The following CSMD1 variants were observed in gnomAD, a reference collection of about 807,000 sequenced individuals.
CSMD1 encodes CUB and sushi domain-containing protein 1.
In CSMD1, 213 loss-of-function variants were observed where a neutral mutation model predicts 417.5. The ratio of observed to expected loss-of-function variants is 0.51; its 90% confidence interval spans 0.46 to 0.57. The LOEUF (loss-of-function observed/expected upper bound fraction) is 0.57, where lower values mean the gene tolerates loss of function less well. Among genes scored for constraint, CSMD1 ranks in the 20% least tolerant of loss-of-function variants. The pLI is 0.00. For synonymous variants in CSMD1, 2,862 were observed against 1,736.8 expected (o/e 1.65, Z -16.11); for missense variants, 6,923 against 4,529.7 (o/e 1.53, Z -15.17).
intron 3 of CSMD1, among the ~76,000 whole-genome samples, chr8:4,100,920 G>A (rs1445984830): frequency 3.3e-5 from 5 of 152,202 alleles, no homozygotes; most frequent in Non-Finnish European, 7.3e-5. Context: ...TGGTGTATAT[G>A]AAGGTGGAAA....
chr8:4,200,065 C>A (rs773055173), intron 3 of CSMD1, among the ~76,000 whole-genome samples: 1 of 152,152 alleles, frequency 6.6e-6, no homozygotes, highest in Non-Finnish European at 1.5e-5. Flanking sequence ...GCTCTATCAA[C>A]AAATCATCCT....
chr8:3,175,497 C>T (rs1486245777), intron 37 of CSMD1, among the ~76,000 whole-genome samples: 3 of 133,884 alleles, frequency 2.2e-5, no homozygotes, highest in Admixed American at 1.5e-4. Context: ...GCCTGCCTGC[C>T]TGCCTGCCTG....
intron 3 of CSMD1, among the ~76,000 whole-genome samples, chr8:4,231,127 A>G (rs985919380): frequency 2.2e-4 from 34 of 152,240 alleles, no homozygotes; most frequent in African/African-American, 8.2e-4. Flanking sequence ...GAACTACAGA[A>G]GAGTATTACG....
intron 3 of CSMD1, among the ~76,000 whole-genome samples, chr8:4,259,057 G>A (rs904425621): frequency 6.6e-6 from 1 of 152,112 alleles, no homozygotes; most frequent in Non-Finnish European, 1.5e-5. Context: ...CAAAGACCCT[G>A]CTTTGAGTTT....
intron 3 of CSMD1, among the ~76,000 whole-genome samples, chr8:4,082,259 T>A (rs752838452): frequency 3.3e-5 from 5 of 152,146 alleles, no homozygotes; most frequent in Non-Finnish European, 7.3e-5. Context: ...AATTACAACC[T>A]ATTAAAACTA....
chr8:4,728,792 TA>T (rs1809643692), intron 1 of CSMD1, among the ~76,000 whole-genome samples: 1 of 151,968 alleles, frequency 6.6e-6, no homozygotes. Context: ...TGCTGCCACC[TA>T]AAAAACTCAA....
chr8:3,650,639 A>C (rs978707657), intron 7 of CSMD1, among the ~76,000 whole-genome samples: 1 of 152,200 alleles, frequency 6.6e-6, no homozygotes, highest in Non-Finnish European at 1.5e-5. Flanking sequence ...GTGGATATTT[A>C]AGAGAACACT....
At chr8:4,382,607 C>A (rs1803175119) in intron 3 of CSMD1, among the ~76,000 whole-genome samples, 1 of 152,210 alleles carries the variant, frequency 6.6e-6, no homozygotes, top group South Asian at 2.1e-4. Flanking sequence ...TCCATTAAAT[C>A]TTAAAGGTCA....
intron 1 of CSMD1, among the ~76,000 whole-genome samples, chr8:4,674,844 G>A (rs1422843253): frequency 6.6e-6 from 1 of 152,082 alleles, no homozygotes; most frequent in Non-Finnish European, 1.5e-5. Context: ...CTGGAGGTGG[G>A]GCATTTAGGA....
intron 5 of CSMD1, among the ~76,000 whole-genome samples, chr8:3,884,945 A>G (rs1322813274): frequency 1.4e-5 from 2 of 147,116 alleles, no homozygotes; most frequent in Non-Finnish European, 3.0e-5. Flanking sequence ...ATATATATAT[A>G]CACACACACA....
chr8:3,130,494 A>C (rs1328055632), intron 41 of CSMD1, among the ~76,000 whole-genome samples: 1 of 151,446 alleles, frequency 6.6e-6, no homozygotes, highest in Non-Finnish European at 1.5e-5. Flanking sequence ...GCAACTTCTC[A>C]TTTGCTTGAG....
At chr8:3,174,517 T>C (rs903993991) in intron 37 of CSMD1, among the ~76,000 whole-genome samples, 2 of 152,082 alleles carry the variant, frequency 1.3e-5, no homozygotes, top group African/African-American at 4.8e-5. Context: ...AAACAAACTA[T>C]AAAAATTGAG....
At chr8:3,852,373 A>G (rs956323372) in intron 5 of CSMD1, among the ~76,000 whole-genome samples, 1 of 151,986 alleles carries the variant, frequency 6.6e-6, no homozygotes, top group Admixed American at 6.6e-5. Flanking sequence ...CACCCTCTCT[A>G]CTCCCAGCCA....
At position 4,265,376 on chromosome 8, in the gene CSMD1, T is replaced by C. The variant is rs1469883018; in HGVS notation, c.415+154577A>G. On this transcript the variant is annotated intron_variant, in intron 3 of 69. Coordinates refer to ENST00000635120, the MANE Select transcript of CSMD1 (RefSeq NM_033225.6). Reference sequence around the variant, plus strand: ...TCTCTGCACAGTATCATTTGACATGTTACAATTAGTAAACAGTTAATGCAC... The same window carrying C: ...TCTCTGCACAGTATCATTTGACATGCTACAATTAGTAAACAGTTAATGCAC... 4.5e-5 allele frequency among the ~76,000 whole-genome samples: 2 copies of C among 44,730 alleles called. 1 individual carries two copies. Among genetic ancestry groups the C allele is most frequent in the African/African-American group, 7.5e-5 (2 of 26,702 alleles). 29.3% of individuals were successfully genotyped at this position (44,730 alleles called of 152,430 possible). A position where few individuals can be genotyped will look rare whatever the true frequency, so the allele number is the denominator to read the frequency against.
chr8:4,808,222 T>C (rs1429686049), intron 1 of CSMD1, among the ~76,000 whole-genome samples: 2 of 152,082 alleles, frequency 1.3e-5, no homozygotes, highest in African/African-American at 4.8e-5. Flanking sequence ...TCAGCAGCGG[T>C]ATAGGGTTGC....
At chr8:3,836,827 CAATT>C (rs1396683233) in intron 5 of CSMD1, among the ~76,000 whole-genome samples, 5 of 151,998 alleles carry the variant, frequency 3.3e-5, no homozygotes, top group African/African-American at 7.2e-5. Flanking sequence ...TTTTATAACT[CAATT>C]AAATATGTTA....
At chr8:3,274,586 G>A (rs1442052937) in intron 26 of CSMD1, among the ~76,000 whole-genome samples, 1 of 152,018 alleles carries the variant, frequency 6.6e-6, no homozygotes, top group African/African-American at 2.4e-5. Context: ...GGTCACTCAG[G>A]ACTTGCTTTA....
rs189952544 is a variant in CSMD1 at position 4,221,016 on chromosome 8, G to C, written c.416-188917C>G. Reference sequence around the variant, plus strand: ...CCTCTGCCATGCCATGTGCCCGCAGGAGGAGGCCAGTGATTGTCCAGCTTT... The same window carrying C: ...CCTCTGCCATGCCATGTGCCCGCAGCAGGAGGCCAGTGATTGTCCAGCTTT... On this transcript the variant is annotated intron_variant, in intron 3 of 69. Coordinates refer to ENST00000635120, the MANE Select transcript of CSMD1 (RefSeq NM_033225.6). 3.9e-5 allele frequency among the ~76,000 whole-genome samples: 6 copies of C among 152,170 alleles called. No individual in the cohort carries two copies. In the South Asian group the frequency reaches 8.3e-4, roughly 21 times the overall value.
chr8:3,392,234 A>T (rs943519645), intron 17 of CSMD1, among the ~76,000 whole-genome samples: 1 of 152,116 alleles, frequency 6.6e-6, no homozygotes, highest in Non-Finnish European at 1.5e-5. Context: ...TGTCACATGT[A>T]CCCTAAAACT....
Sources: gnomAD v4.1 joint callset for allele counts (sites outside exome capture counted in the v4.1 genomes callset) on GRCh38, gnomAD v4.1.1 for gene constraint, MANE v1.5 for transcripts, NCBI Gene and HGNC (gene_info 2026-07-23, HGNC 2026-07-21) for gene names.